The following NTRK3 variants were observed in gnomAD, a reference collection of about 807,000 sequenced individuals.
NTRK3 encodes the protein neurotrophic receptor tyrosine kinase 3.
NTRK3 carries 24 observed loss-of-function variants against 91.7 expected under a neutral mutation model. The observed-to-expected ratio is 0.26, with a 90% CI of 0.19 to 0.37. The LOEUF (loss-of-function observed/expected upper bound fraction) is 0.37. Ranked by LOEUF, NTRK3 falls within the 10% of genes least tolerant of loss-of-function variation. NTRK3 has a pLI of 1.00. For synonymous variants in NTRK3, 483 were observed against 404.0 expected (o/e 1.20, Z -2.34); for missense variants, 880 against 1,068.9 (o/e 0.82, Z 2.46).
intron 14 of NTRK3, among the ~76,000 whole-genome samples, chr15:88,006,719 AAGCACACAGG>A (rs1417796200): frequency 6.6e-6 from 1 of 152,206 alleles, no homozygotes; most frequent in Non-Finnish European, 1.5e-5. Context: ...GTTTGTGGGA[AAGCACACAGG>A]AGCACAACAC....
At chr15:88,049,889 T>G (rs2080643665) in intron 13 of NTRK3, among the ~76,000 whole-genome samples, 1 of 152,242 alleles carries the variant, frequency 6.6e-6, no homozygotes, top group Non-Finnish European at 1.5e-5. Flanking sequence ...CAGAGAAAGC[T>G]ATAGGAAAGC....
At chr15:87,989,350 G>A (rs1473375558) in intron 14 of NTRK3, among the ~76,000 whole-genome samples, 3 of 152,156 alleles carry the variant, frequency 2.0e-5, no homozygotes, top group Non-Finnish European at 4.4e-5. Context: ...CATTTCCTTT[G>A]CAGGGACATG....
chr15:87,988,201 C>A (rs1451305045), intron 14 of NTRK3, among the ~76,000 whole-genome samples: 1 of 152,210 alleles, frequency 6.6e-6, no homozygotes, highest in Non-Finnish European at 1.5e-5. Flanking sequence ...CCTCTGTGGT[C>A]TTCCTTCCCA....
At chr15:87,918,889 T>A (rs1043424812) in intron 17 of NTRK3, among the ~76,000 whole-genome samples, 4 of 151,992 alleles carry the variant, frequency 2.6e-5, no homozygotes, top group African/African-American at 9.7e-5. Context: ...TTAACTAGAG[T>A]TGAGGTTAAG....
At chr15:88,080,489 C>G (rs1200179803) in intron 13 of NTRK3, among the ~76,000 whole-genome samples, 2 of 152,218 alleles carry the variant, frequency 1.3e-5, no homozygotes, top group Non-Finnish European at 1.5e-5. Context: ...AGCCATTTTA[C>G]TTTCTAATTC....
chr15:87,950,597 A>G (rs1486043499), intron 14 of NTRK3, among the ~76,000 whole-genome samples: 1 of 152,216 alleles, frequency 6.6e-6, no homozygotes, highest in Non-Finnish European at 1.5e-5. Context: ...ACACATCCTC[A>G]GAGGCCGCAT....
rs147335578 is a variant in NTRK3, at chr15:88,036,683, T to C, written c.1397-3638A>G. ...GAAGACAGGATCCATGCCCAGGCTGTCTTGTTTACTCCAAAGCTCACAAGC... is the reference window on the plus strand; with the variant it reads ...GAAGACAGGATCCATGCCCAGGCTGCCTTGTTTACTCCAAAGCTCACAAGC... On this transcript the variant is annotated intron_variant, in intron 13 of 18. Coordinates refer to ENST00000394480, the Ensembl canonical transcript of NTRK3. Among the ~76,000 whole-genome samples, 9 of 152,324 alleles carry C rather than the reference T, an allele frequency of 5.9e-5. No individual in the cohort carries two copies. The East Asian group carries it at 1.5e-3, about 26-fold the overall frequency.
At chr15:88,105,989 C>T (rs533834600) in intron 13 of NTRK3, among the ~76,000 whole-genome samples, 5 of 152,224 alleles carry the variant, frequency 3.3e-5, no homozygotes, top group East Asian at 1.9e-4. Flanking sequence ...AGTGTTCACC[C>T]GTAGTCACTG....
chr15:88,033,176 T>TTATATA (rs149279639), intron 13 of NTRK3, 131 bp from the exon 14 acceptor site: 2,005 of 195,376 alleles, frequency 0.01, 69 homozygotes, highest in Non-Finnish European at 0.012. Context: ...GGGGGGTGTG[T>TTATATA]TATATATATA....
intron 3 of NTRK3, among the ~76,000 whole-genome samples, chr15:88,192,690 C>T (rs753179457): frequency 2.6e-5 from 4 of 152,166 alleles, no homozygotes; most frequent in Non-Finnish European, 4.4e-5. Context: ...GAACACACTC[C>T]CCTTGTTTTG....
At chr15:88,180,148 T>C (rs963556430) in intron 5 of NTRK3, among the ~76,000 whole-genome samples, 19 of 152,204 alleles carry the variant, frequency 1.2e-4, no homozygotes, top group African/African-American at 4.1e-4. Context: ...TATCGTTTAA[T>C]CTTGACCACA....
intron 3 of NTRK3, among the ~76,000 whole-genome samples, chr15:88,205,302 C>T (rs903478208): frequency 6.6e-6 from 1 of 152,110 alleles, no homozygotes; most frequent in African/African-American, 2.4e-5. Flanking sequence ...CATGGGGAAA[C>T]CGCAAGCCAG....
In NTRK3 at chr15:88,121,980, G is replaced by T. The variant is rs868464569; in HGVS notation, c.1396+4291C>A. 9.4e-4 allele frequency among the ~76,000 whole-genome samples: 143 copies of T among 152,324 alleles called. 1 individual carries two copies. Among genetic ancestry groups the T allele is most frequent in the African/African-American group, 3.3e-3 (136 of 41,566 alleles). ...GTTGGAGGGCTCTGAGACAAAGCAT[G>T]TTCGGTTTGTTTCTAGGAGATCTGG... On this transcript the variant is annotated intron_variant, in intron 13 of 18. Coordinates refer to ENST00000394480, the Ensembl canonical transcript of NTRK3.
At chr15:87,923,603 T>C (rs1003116433) in intron 17 of NTRK3, among the ~76,000 whole-genome samples, 1 of 152,216 alleles carries the variant, frequency 6.6e-6, no homozygotes, top group Non-Finnish European at 1.5e-5. Flanking sequence ...TTGGCCTACC[T>C]TAACTAATAT....
At chr15:87,888,787 A>G (rs908438309) in intron 17 of NTRK3, among the ~76,000 whole-genome samples, 9 of 151,584 alleles carry the variant, frequency 5.9e-5, no homozygotes, top group African/African-American at 2.2e-4. Flanking sequence ...TTTTTTGTCT[A>G]AAATTCAAAT....
rs191828558 is a variant in NTRK3 at position 87,955,099 on chromosome 15, T to G, written c.1586-14346A>C. On this transcript the variant is annotated intron_variant, in intron 14 of 18. Coordinates refer to ENST00000394480, the Ensembl canonical transcript of NTRK3. ...ACATTTGTAAGCAAATGAGTTAATA[T>G]TCATCTGTAAATCCCTTAGCATAGT... is the stretch of plus-strand genomic sequence containing the variant. Among the ~76,000 whole-genome samples, 34 of 152,352 alleles carry G rather than the reference T, an allele frequency of 2.2e-4. 1 individual carries two copies. The East Asian group carries it at 6.4e-3, about 29-fold the overall frequency.
At chr15:87,930,014 GC>G (rs1005270767) in intron 16 of NTRK3, among the ~76,000 whole-genome samples, 1 of 152,118 alleles carries the variant, frequency 6.6e-6, no homozygotes, top group Non-Finnish European at 1.5e-5. Flanking sequence ...CCCTGGCCCT[GC>G]CCCCTAGGAT....
chr15:88,187,396 T>C (rs932638529), intron 3 of NTRK3, among the ~76,000 whole-genome samples: 2 of 152,214 alleles, frequency 1.3e-5, no homozygotes, highest in African/African-American at 2.4e-5. Flanking sequence ...AGTTCTCCTA[T>C]GACTCACCAC....
At chr15:87,883,178 A>G (rs1285793024) in intron 17 of NTRK3, among the ~76,000 whole-genome samples, 1 of 150,862 alleles carries the variant, frequency 6.6e-6, no homozygotes, top group Non-Finnish European at 1.5e-5. Context: ...TGTGATTTAC[A>G]CGTTGTCTGT....
Sources: allele counts gnomAD v4.1 joint callset (sites outside exome capture counted in the v4.1 genomes callset), GRCh38; gene constraint gnomAD v4.1.1; transcripts MANE v1.5; gene names NCBI Gene and HGNC (gene_info 2026-07-23, HGNC 2026-07-21).